CACNB2: variants seen among roughly 807,000 people sequenced by gnomAD.
CACNB2 encodes the protein calcium voltage-gated channel auxiliary subunit beta 2.
Under a neutral mutation model 73.3 loss-of-function variants are expected in CACNB2, and 42 were observed. The ratio of observed to expected loss-of-function variants is 0.57; its 90% CI spans 0.45 to 0.74. CACNB2 has a LOEUF of 0.74. CACNB2 is among the 30% of genes least tolerant of loss of function. CACNB2 has a pLI of 0.00. For missense variants in CACNB2, 940 were observed against 853.0 expected, an observed-to-expected ratio of 1.10 and a Z score of -1.27; for synonymous variants, 348 against 310.3, an observed-to-expected ratio of 1.12 and a Z score of -1.28.
chr10:18,211,283 T>A (rs772783352), intron 2 of CACNB2, among the ~76,000 whole-genome samples: 11 of 152,214 alleles, frequency 7.2e-5, no homozygotes, highest in Non-Finnish European at 1.0e-4. Flanking sequence ...ACACTAGGCT[T>A]GGACATTGCC....
chr10:18,481,696 C>T (rs2048786809), intron 3 of CACNB2, among the ~76,000 whole-genome samples: 1 of 152,088 alleles, frequency 6.6e-6, no homozygotes, highest in Non-Finnish European at 1.5e-5. Context: ...TCCCTGATTC[C>T]TTCTCTGGCC....
intron 2 of CACNB2, among the ~76,000 whole-genome samples, chr10:18,247,089 A>G (rs1335534046): frequency 6.6e-6 from 1 of 152,018 alleles, no homozygotes; most frequent in Non-Finnish European, 1.5e-5. Context: ...CTGCCACCCT[A>G]CTGCTGAATG....
At chr10:18,180,183 G>T (rs2033801885) in intron 2 of CACNB2, among the ~76,000 whole-genome samples, 1 of 152,144 alleles carries the variant, frequency 6.6e-6, no homozygotes, top group African/African-American at 2.4e-5. Context: ...GGAGAGGAAT[G>T]ATCTTATATT....
intron 3 of CACNB2, among the ~76,000 whole-genome samples, chr10:18,492,658 A>G (rs2049524454): frequency 6.6e-6 from 1 of 151,912 alleles, no homozygotes; most frequent in East Asian, 1.9e-4. Context: ...AAAAGAAAAG[A>G]AAAAAGAAAA....
chr10:18,514,303 T>G lies in CACNB2; in HGVS notation c.738T>G (p.Pro246=). 1 of 1,614,156 alleles carries G rather than the reference T, an allele frequency of 6.2e-7. No individual in the cohort carries two copies. Among genetic ancestry groups the G allele is most frequent in the Non-Finnish European group, 8.5e-7 (1 of 1,180,006 alleles). Residue 246 remains proline, a synonymous_variant, in exon 7 of 14, where the codon CCT becomes CCG. Coordinates refer to ENST00000324631, the MANE Select transcript of CACNB2 (RefSeq NM_201596.3). ...ATATTCCAGCAAACCACCGCTCCCC[T>G]AAACCCAGTGCAAACAGTGTAACGT... ...ENDIPANHRS[P]KPSANSVTSP... is the part of the protein sequence containing the mutation.
chr10:18,230,848 T>C (rs539665370), intron 2 of CACNB2, among the ~76,000 whole-genome samples: 30 of 152,060 alleles, frequency 2.0e-4, no homozygotes, highest in African/African-American at 6.0e-4. Flanking sequence ...TGTAGCTTTT[T>C]TTTTTTTGGT....
intron 2 of CACNB2, among the ~76,000 whole-genome samples, chr10:18,220,213 A>G (rs1359801515): frequency 0.11 from 5,580 of 50,882 alleles, 1,011 homozygotes; most frequent in East Asian, 0.37. Context: ...ATATATATAT[A>G]TATATATATA....
At chr10:18,290,429 G>T (rs1350675013) in intron 2 of CACNB2, among the ~76,000 whole-genome samples, 3 of 152,060 alleles carry the variant, frequency 2.0e-5, no homozygotes, top group African/African-American at 4.8e-5. Context: ...CAAGAAAAGT[G>T]ACATCCAGTT....
At chr10:18,384,351 G>A (rs531336073) in intron 2 of CACNB2, among the ~76,000 whole-genome samples, 187 of 152,242 alleles carry the variant, frequency 1.2e-3, no homozygotes, top group African/African-American at 4.4e-3. Context: ...CACAGAAATC[G>A]AGAGTGGAGA....
At chr10:18,261,341 T>C (rs951045) in intron 2 of CACNB2, 1 of 1,551,496 alleles carries the variant, frequency 6.4e-7, no homozygotes, top group Non-Finnish European at 8.7e-7. Context: ...GCTGTAGAAT[T>C]GCAGCTGGGA....
chr10:18,452,446 C>A (rs1455984012), intron 3 of CACNB2, among the ~76,000 whole-genome samples: 1 of 152,054 alleles, frequency 6.6e-6, no homozygotes, highest in Non-Finnish European at 1.5e-5. Flanking sequence ...ATAAGTAGAA[C>A]CATAGCACAT....
At chr10:18,389,344 G>C (rs777086661) in intron 2 of CACNB2, among the ~76,000 whole-genome samples, 1 of 152,126 alleles carries the variant, frequency 6.6e-6, no homozygotes, top group Non-Finnish European at 1.5e-5. Context: ...TCCCTATGTT[G>C]CAAAGGCAGG....
chr10:18,320,960 T>G (rs1009391181), intron 2 of CACNB2, among the ~76,000 whole-genome samples: 3 of 152,226 alleles, frequency 2.0e-5, no homozygotes, highest in Admixed American at 2.0e-4. Context: ...CAGGTAGAAC[T>G]ACTGATGATA....
intron 2 of CACNB2, among the ~76,000 whole-genome samples, chr10:18,388,448 A>G (rs1195266135): frequency 1.3e-5 from 2 of 152,184 alleles, no homozygotes; most frequent in Admixed American, 6.5e-5. Flanking sequence ...TAAGGGATAC[A>G]TTAACTATAT....
chr10:18,519,203 G>GA, intron 9 of CACNB2, among the ~76,000 whole-genome samples: 1 of 152,194 alleles, frequency 6.6e-6, no homozygotes, highest in Non-Finnish European at 1.5e-5. Flanking sequence ...CCTTGGGCAG[G>GA]ACACCACTGG....
At chr10:18,538,125 A>G in intron 12 of CACNB2, 55 bp from the exon 13 acceptor site, 1 of 1,560,242 alleles carries the variant, frequency 6.4e-7, no homozygotes, top group South Asian at 1.1e-5. Flanking sequence ...TGGAGGTGGG[A>G]AGGGGGTGAA....
At chr10:18,321,998 A>C (rs921992724) in intron 2 of CACNB2, among the ~76,000 whole-genome samples, 4 of 152,070 alleles carry the variant, frequency 2.6e-5, no homozygotes, top group African/African-American at 9.7e-5. Flanking sequence ...ACAAAAAATT[A>C]TTAAAAAATT....
At chr10:18,216,065 G>A (rs2035497882) in intron 2 of CACNB2, among the ~76,000 whole-genome samples, 1 of 152,044 alleles carries the variant, frequency 6.6e-6, no homozygotes, top group South Asian at 2.1e-4. Context: ...AGAGGCCGAG[G>A]CGGGTGGATC....
chr10:18,272,009 AT>A lies in CACNB2; in HGVS notation c.213+121041del, dbSNP rs761498315. On this transcript the variant is annotated intron_variant, in intron 2 of 13. Transcript: ENST00000324631. Reference sequence around the variant, plus strand: ...TCTGTTGTAATTTCCATCTCTTACCATTTTTTTCTTTCTTCCTTTCTTTTTT... The same window carrying A: ...TCTGTTGTAATTTCCATCTCTTACCATTTTTTCTTTCTTCCTTTCTTTTTT... 2.0e-5 allele frequency among the ~76,000 whole-genome samples: 3 copies of A among 151,542 alleles called. No individual in the cohort carries two copies. The East Asian group carries it at 5.8e-4, about 29-fold the overall frequency.
Sources: allele counts gnomAD v4.1 joint callset (sites outside exome capture counted in the v4.1 genomes callset), GRCh38; gene constraint gnomAD v4.1.1; transcripts MANE v1.5; gene names NCBI Gene and HGNC (gene_info 2026-07-23, HGNC 2026-07-21).